The following TXLNB variants were observed in gnomAD, a reference collection of about 807,000 sequenced individuals.
TXLNB encodes the protein beta-taxilin.
A neutral mutation model predicts 57.4 loss-of-function variants in TXLNB; 37 were observed. That is an observed-to-expected ratio of 0.64 (90% confidence interval 0.50 to 0.85). The LOEUF (loss-of-function observed/expected upper bound fraction) is 0.85, where lower values mean the gene tolerates loss of function less well. TXLNB is among the 40% of genes least tolerant of loss of function. The probability of loss-of-function intolerance (pLI) is 0.00; values close to 1 mark genes in which losing one functional copy is unlikely to be tolerated. For missense variants in TXLNB, 848 were observed against 825.6 expected (o/e 1.03, Z -0.33); for synonymous variants, 302 against 309.6 (o/e 0.98, Z 0.26).
the TXLNB span, among the ~76,000 whole-genome samples, chr6:139,313,018 T>A: frequency 6.6e-6 from 1 of 152,158 alleles, no homozygotes; most frequent in Non-Finnish European, 1.5e-5. Context: ...CATCCCTGAG[T>A]TTCTCTAATG....
the TXLNB span, among the ~76,000 whole-genome samples, chr6:139,320,150 C>T: frequency 6.6e-6 from 1 of 152,074 alleles, no homozygotes; most frequent in Non-Finnish European, 1.5e-5. Context: ...TGGTTTCTAA[C>T]TTCTCTTTCC....
the TXLNB span, among the ~76,000 whole-genome samples, chr6:139,227,930 C>T: frequency 6.6e-6 from 1 of 152,150 alleles, no homozygotes; most frequent in Admixed American, 6.5e-5. Context: ...CTGTAGGATG[C>T]TTGACTATGC....
chr6:139,260,564 C>A, intron 5 of TXLNB, 127 bp from the exon 6 acceptor site: 3 of 1,006,566 alleles, frequency 3.0e-6, no homozygotes, highest in Non-Finnish European at 4.3e-6. Context: ...GGGATAAATG[C>A]ATTGGCATCA....
the TXLNB span, among the ~76,000 whole-genome samples, chr6:139,172,446 C>T: frequency 6.6e-6 from 1 of 152,146 alleles, no homozygotes; most frequent in East Asian, 1.9e-4. Flanking sequence ...GACCCTGTCT[C>T]TGGACTTCGT....
At chr6:139,267,909 T>G (rs571206866) in intron 4 of TXLNB, among the ~76,000 whole-genome samples, 1 of 151,998 alleles carries the variant, frequency 6.6e-6, no homozygotes, top group East Asian at 1.9e-4. Context: ...TCCCAACACT[T>G]TGGGAGGCCG....
the TXLNB span, among the ~76,000 whole-genome samples, chr6:139,228,211 T>C: frequency 2.0e-5 from 3 of 152,048 alleles, no homozygotes; most frequent in Non-Finnish European, 4.4e-5. Flanking sequence ...AACGCAACCA[T>C]ACCCTCTTAA....
At position 139,240,610 on chromosome 6, in the gene TXLNB, TTAAATCTC is replaced by T. The variant is rs1419718107; in HGVS notation, c.*1908_*1915del. 3.6e-4 allele frequency: 55 copies of T among 152,802 alleles called. No homozygotes were observed. Among genetic ancestry groups the T allele is most frequent in the Non-Finnish European group, 8.8e-5 (6 of 68,036 alleles). The allele number at this position is 152,802 out of a possible 1,614,324, so 9.5% of individuals were successfully genotyped here. A position where few individuals can be genotyped will look rare whatever the true frequency, so the allele number is the denominator to read the frequency against. On this transcript the variant is annotated 3_prime_UTR_variant, in exon 10 of 10. Coordinates refer to ENST00000358430, the MANE Select transcript of TXLNB (RefSeq NM_153235.4). ...ATTTAGCTCTGAATCAAATGAATGTTTAAATCTCTAAGACTTGCAGTAATGTTGAATTT... is the reference window on the plus strand; with the variant it reads ...ATTTAGCTCTGAATCAAATGAATGTTTAAGACTTGCAGTAATGTTGAATTT...
chr6:139,294,865 T>G (rs1428570055), upstream of TXLNB, among the ~76,000 whole-genome samples: 1 of 152,020 alleles, frequency 6.6e-6, no homozygotes, highest in Non-Finnish European at 1.5e-5. Context: ...GGCGCATGCT[T>G]GTAATCCCAG....
chr6:139,210,658 G>A, the TXLNB span, among the ~76,000 whole-genome samples: 24 of 152,362 alleles, frequency 1.6e-4, no homozygotes, highest in African/African-American at 4.8e-4. Context: ...GCAGTGCACC[G>A]TGCGTGAGCC....
chr6:139,242,444 C>T lies in TXLNB; in HGVS notation c.*82G>A. On this transcript the variant is annotated 3_prime_UTR_variant, in exon 10 of 10. Transcript: ENST00000358430. Reference sequence around the variant, plus strand: ...GTCTCTTCCATTTGACATCTCTAGCCCTTAATGCCTTTTTCGGAAGACAAG... The same window carrying T: ...GTCTCTTCCATTTGACATCTCTAGCTCTTAATGCCTTTTTCGGAAGACAAG... The T allele has an allele frequency of 9.7e-6, 12 of 1,241,484 alleles. No individual in the cohort carries two copies. The highest frequency in any genetic ancestry group is 1.2e-5 in the Non-Finnish European group (11 of 928,886). 76.9% of individuals were successfully genotyped at this position (1,241,484 alleles called of 1,614,324 possible).
rs533371918 is a variant in TXLNB at position 139,266,348 on chromosome 6, A to G, written c.688-3575T>C. On this transcript the variant is annotated intron_variant, in intron 4 of 9. Coordinates refer to ENST00000358430, the MANE Select transcript of TXLNB (RefSeq NM_153235.4). ...TATGGTCAATGATGTAAAGGAAAAT[A>G]TTATCTCAATGAATGAGAAGGTAGA... Among the ~76,000 whole-genome samples the G allele has an allele frequency of 9.8e-5, 15 of 152,344 alleles. 1 individual carries two copies. Among genetic ancestry groups the G allele is most frequent in the African/African-American group, 3.6e-4 (15 of 41,584 alleles).
At position 139,279,640 on chromosome 6, in the gene TXLNB, A is replaced by G. The variant is rs557404194; in HGVS notation, c.425-2719T>C. Among the ~76,000 whole-genome samples the G allele has an allele frequency of 3.3e-5, 5 of 152,324 alleles. No homozygotes were observed. The East Asian group carries it at 9.7e-4, about 29-fold the overall frequency. On this transcript the variant is annotated intron_variant, in intron 2 of 9. Transcript: ENST00000358430. The stretch of plus-strand genomic sequence containing the variant: ...GAGGGGAGTAGACAGAGACTTGCTC[A>G]TCATCTACAAAAGGCTATCATTACA...
the TXLNB span, among the ~76,000 whole-genome samples, chr6:139,319,502 C>A: frequency 1.3e-5 from 2 of 151,774 alleles, no homozygotes; most frequent in African/African-American, 4.8e-5. Context: ...CAATATAAGG[C>A]TAGCTGTGGT....
At chr6:139,266,085 A>T (rs533527200) in intron 4 of TXLNB, among the ~76,000 whole-genome samples, 1 of 152,344 alleles carries the variant, frequency 6.6e-6, no homozygotes, top group Admixed American at 6.5e-5. Context: ...TATGGTTTGA[A>T]TCTAACCAAA....
At chr6:139,218,750 TA>T in the TXLNB span, among the ~76,000 whole-genome samples, 184 of 148,160 alleles carry the variant, frequency 1.2e-3, 1 homozygote, top group African/African-American at 3.9e-3. Flanking sequence ...AAACTCTGTC[TA>T]AAAAAAAAAG....
In TXLNB at chr6:139,243,058, A is replaced by G. The variant is rs746697656; in HGVS notation, c.1523T>C (p.Met508Thr). The change falls in exon 10 of 10, where the codon ATG (methionine) becomes ACG (threonine). Residue 508 changes from methionine (M) to threonine (T), a missense_variant. Transcript: ENST00000358430. ...TAVKNLATAF[M>T]IIHHPESTPH... is the part of the protein sequence containing the mutation. Reference sequence around the variant, plus strand: ...GGTTGACTCTGGATGATGAATTATCATGAAGGCTGTGGCCAGATTTTTCAC... The same window carrying G: ...GGTTGACTCTGGATGATGAATTATCGTGAAGGCTGTGGCCAGATTTTTCAC... 1 of 1,614,128 alleles carries G rather than the reference A, an allele frequency of 6.2e-7. No homozygotes were observed.
the TXLNB span, chr6:139,177,401 A>T: frequency 4.7e-6 from 1 of 213,966 alleles, no homozygotes; most frequent in Non-Finnish European, 9.2e-6. The surrounding 1 kb of genome is among the most constrained non-coding windows in gnomAD (Gnocchi z 4.9). Flanking sequence ...TGAATTTAGG[A>T]AAGGAATTTG....
chr6:139,215,865 A>G, the TXLNB span, among the ~76,000 whole-genome samples: 3 of 152,240 alleles, frequency 2.0e-5, no homozygotes, highest in East Asian at 1.9e-4. Flanking sequence ...CTAAAAACAC[A>G]TGAAAAAATG....
chr6:139,247,073 A>G (rs1225875349), intron 8 of TXLNB, among the ~76,000 whole-genome samples: 1 of 152,220 alleles, frequency 6.6e-6, no homozygotes, highest in African/African-American at 2.4e-5. Flanking sequence ...TCTTCTAAGA[A>G]GGTTCTTATA....
Sources: gnomAD v4.1 joint callset for allele counts (sites outside exome capture counted in the v4.1 genomes callset) on GRCh38, gnomAD v4.1.1 for gene constraint, Gnocchi (gnomAD v3.1) non-coding constraint, MANE v1.5 for transcripts, NCBI Gene and HGNC (gene_info 2026-07-23, HGNC 2026-07-21) for gene names.